TAGAP: variants seen among roughly 807,000 people sequenced by gnomAD.
TAGAP encodes T cell activation RhoGTPase activating protein, also known as T-cell activation Rho GTPase-activating protein.
Under a neutral mutation model 36.0 loss-of-function variants are expected in TAGAP, and 16 were observed. The observed-to-expected ratio is 0.44, with a 90% CI of 0.30 to 0.68. The LOEUF (loss-of-function observed/expected upper bound fraction) is 0.68. TAGAP is among the 30% of genes least tolerant of loss of function. The pLI, the probability that TAGAP is intolerant of heterozygous loss-of-function variation, is 0.09. For synonymous variants in TAGAP, 372 were observed against 377.4 expected, an observed-to-expected ratio of 0.99 and a Z score of 0.17; for missense variants, 794 against 921.5, an observed-to-expected ratio of 0.86 and a Z score of 1.79.
chr6:159,040,585 A>G (rs926000734), intron 7 of TAGAP, 138 bp downstream of exon 7: 1 of 641,082 alleles, frequency 1.6e-6, no homozygotes, highest in Non-Finnish European at 2.7e-6. Flanking sequence ...CTGGGAGTGG[A>G]CGAGCAATTC....
chr6:159,042,168 C>A lies in TAGAP; in HGVS notation c.225G>T (p.Gly75=). The A allele has an allele frequency of 6.2e-7, 1 of 1,614,162 alleles. No homozygotes were observed. The highest frequency in any genetic ancestry group is 8.5e-7 in the Non-Finnish European group (1 of 1,180,032). The change falls in exon 5 of 10, where the codon GGG becomes GGT. Residue 75 remains glycine, a synonymous_variant. Coordinates refer to ENST00000367066, the MANE Select transcript of TAGAP (RefSeq NM_054114.5). Reference sequence around the variant, plus strand: ...ATGCTTTCAAGTCTGTCTCCAAAGCCCCAGAAAAATCTGATGCAGGGGAGA... The same window carrying A: ...ATGCTTTCAAGTCTGTCTCCAAAGCACCAGAAAAATCTGATGCAGGGGAGA... The part of the protein sequence containing the change: ...RRLSPASDFS[G]ALETDLKASL...
At position 159,042,190 on chromosome 6, in the gene TAGAP, G is replaced by A; in HGVS notation, c.203C>T (p.Ser68Phe). The A allele has an allele frequency of 6.2e-7, 1 of 1,614,166 alleles. No homozygotes were observed. Among genetic ancestry groups the A allele is most frequent in the Non-Finnish European group, 8.5e-7 (1 of 1,180,032 alleles). Reference sequence around the variant, plus strand: ...AGCCCCAGAAAAATCTGATGCAGGGGAGAGCCTTCTCATGAGAAAGGGCCA... The same window carrying A: ...AGCCCCAGAAAAATCTGATGCAGGGAAGAGCCTTCTCATGAGAAAGGGCCA... ...LSWPFLMRRL[S>F]PASDFSGALE... The change falls in exon 5 of 10, where the codon TCC (serine) becomes TTC (phenylalanine). Residue 68 changes from serine to phenylalanine, a missense_variant. Coordinates refer to ENST00000367066, the MANE Select transcript of TAGAP (RefSeq NM_054114.5).
intron 1 of TAGAP, 97 bp from the exon 2 acceptor site, chr6:159,044,301 T>C: frequency 1.5e-6 from 1 of 671,538 alleles, no homozygotes; most frequent in Non-Finnish European, 2.3e-6. Flanking sequence ...AACTATTTAT[T>C]TATTTTTCTC....
At position 159,037,190 on chromosome 6, in the gene TAGAP, AT is replaced by A; in HGVS notation, c.899-67del. ...TATTTATTTATTTATTTTTATTTGT[AT>A]TTTTTATTTTCATTTTTTGAGATGG... On this transcript the variant is annotated intron_variant, in intron 9 of 9. Coordinates refer to ENST00000367066, the MANE Select transcript of TAGAP (RefSeq NM_054114.5). The surrounding 1 kb of genome is among the most constrained non-coding windows in gnomAD (Gnocchi z 5.1). 1 of 1,331,106 alleles carries A rather than the reference AT, an allele frequency of 7.5e-7. No homozygotes were observed. The highest frequency in any genetic ancestry group is 9.8e-7 in the Non-Finnish European group (1 of 1,019,350). The allele number at this position is 1,331,106 out of a possible 1,614,324, so 82.5% of individuals were successfully genotyped here.
intron 7 of TAGAP, among the ~76,000 whole-genome samples, chr6:159,039,879 T>C (rs938507144): frequency 6.6e-6 from 1 of 152,222 alleles, no homozygotes; most frequent in Non-Finnish European, 1.5e-5. Context: ...TCTTAAAGTC[T>C]CACTTTTTCA....
At position 159,036,093 on chromosome 6, in the gene TAGAP, C is replaced by T; in HGVS notation, c.1930G>A (p.Glu644Lys). ...LPPLPPAHHV[E>K]DSRHRGSKEP... ...TTGCTGCCCCTGTGTCTTGAGTCCT[C>T]TACGTGGTGAGCAGGTGGAAGAGGG... Residue 644 changes from glutamate (E) to lysine (K), a missense_variant, in exon 10 of 10, where the codon GAG (glutamate) becomes AAG (lysine). Glu to Lys is a moderately conservative substitution (Grantham distance 56). Transcript: ENST00000367066. This position sits in a 1 kb window ranked among gnomAD's most constrained non-coding sequence, Gnocchi z 4.9. 1 of 1,613,838 alleles carries T rather than the reference C, an allele frequency of 6.2e-7. No individual in the cohort carries two copies. The highest frequency in any genetic ancestry group is 8.5e-7 in the Non-Finnish European group (1 of 1,179,816).
Position 159,038,142 on chromosome 6 carries a change from A to ATTC in TAGAP, c.869_870insGAA (p.Asp290delinsGluAsn). The ATTC allele has an allele frequency of 6.2e-7, 1 of 1,613,178 alleles. No individual in the cohort carries two copies. Among genetic ancestry groups the ATTC allele is most frequent in the Middle Eastern group, 1.7e-4 (1 of 6,060 alleles). On this transcript the variant is annotated protein_altering_variant, in exon 9 of 10. Coordinates refer to ENST00000367066, the MANE Select transcript of TAGAP (RefSeq NM_054114.5). ...AACTGTCAGTGTGCTCCAGGGAGTC[A>ATTC]TCAGAAGTGATACTGGAATGCACTG...
rs533213677 is a variant in TAGAP, at chr6:159,039,288, C to T, written c.609G>A (p.Arg203=). ...ALKQVADKLP[R]PNLLLLKHLV... Reference sequence around the variant, plus strand: ...AGTGCTTGAGTAGCAGGAGGTTGGGCCGGGGGAGCTTATCTGCAACCCTGG... The same window carrying T: ...AGTGCTTGAGTAGCAGGAGGTTGGGTCGGGGGAGCTTATCTGCAACCCTGG... Residue 203 remains arginine (R), a synonymous_variant, in exon 8 of 10, where the codon CGG becomes CGA. Coordinates refer to ENST00000367066, the MANE Select transcript of TAGAP (RefSeq NM_054114.5). 17 of 1,613,060 alleles carry T rather than the reference C, an allele frequency of 1.1e-5. No homozygotes were observed. In the African/African-American group the frequency reaches 2.0e-4, roughly 19 times the overall value.
Position 159,038,215 on chromosome 6 carries a change from A to G in TAGAP, c.797T>C (p.Val266Ala). 6.3e-7 allele frequency: 1 copy of G among 1,591,584 alleles called. No individual in the cohort carries two copies. The highest frequency in any genetic ancestry group is 2.3e-5 in the East Asian group (1 of 44,374). Reference sequence around the variant, plus strand: ...AAAGCAGTTATCAATGAGGAATTCCACCAGTGTCTTCACCTGTGAGGAAAA... The same window carrying G: ...AAAGCAGTTATCAATGAGGAATTCCGCCAGTGTCTTCACCTGTGAGGAAAA... ...KDLNNKVKTLVEFLIDNCFEI... is the reference protein window; with the variant it reads ...KDLNNKVKTLAEFLIDNCFEI... Residue 266 changes from valine (V) to alanine (A), a missense_variant, in exon 9 of 10, where the codon GTG becomes GCG. Val to Ala is a moderately conservative substitution (Grantham distance 64). Transcript: ENST00000367066.
At chr6:159,043,864 G>T in intron 3 of TAGAP, 114 bp downstream of exon 3, 1 of 1,041,568 alleles carries the variant, frequency 9.6e-7, no homozygotes, top group Non-Finnish European at 1.4e-6. Context: ...CTACATGTGT[G>T]ATGTTAGTTT....
At chr6:159,038,049 C>T (rs1443731253) in intron 9 of TAGAP, 65 bp downstream of exon 9, 14 of 1,059,304 alleles carry the variant, frequency 1.3e-5, no homozygotes, top group South Asian at 1.3e-5. Context: ...AGATGCTTTA[C>T]ATGACTGGCA....
intron 4 of TAGAP, chr6:159,042,892 G>T (rs1779807358): frequency 6.6e-6 from 1 of 152,496 alleles, no homozygotes; most frequent in Non-Finnish European, 1.5e-5. Context: ...CTGGCAACTG[G>T]GAATTATCAG....
At chr6:159,039,491 AACC>A (rs1163658945) in intron 7 of TAGAP, among the ~76,000 whole-genome samples, 182 bp from the exon 8 acceptor site, 1 of 152,244 alleles carries the variant, frequency 6.6e-6, no homozygotes, top group East Asian at 1.9e-4. Flanking sequence ...GAGACTGGTT[AACC>A]ACAAGGTCTT....
At position 159,036,403 on chromosome 6, in the gene TAGAP, C is replaced by T. The variant is rs200549687; in HGVS notation, c.1620G>A (p.Pro540=). Residue 540 remains proline (P), a synonymous_variant, in exon 10 of 10, where the codon CCG becomes CCA. Transcript: ENST00000367066. This position sits in a 1 kb window ranked among gnomAD's most constrained non-coding sequence, Gnocchi z 4.9. ...KSQDFTRDHV[P]RGVRKESQLA... Reference sequence around the variant, plus strand: ...GCTGGCTTTCCTTTCTGACACCCCTCGGGACGTGGTCCCTGGTAAAGTCTT... The same window carrying T: ...GCTGGCTTTCCTTTCTGACACCCCTTGGGACGTGGTCCCTGGTAAAGTCTT... The T allele has an allele frequency of 9.3e-6, 15 of 1,614,148 alleles. No homozygotes were observed. Among genetic ancestry groups the T allele is most frequent in the Middle Eastern group, 1.7e-4 (1 of 6,060 alleles).
intron 8 of TAGAP, 145 bp downstream of exon 8, chr6:159,038,969 A>T: frequency 6.7e-7 from 1 of 1,500,192 alleles, no homozygotes; most frequent in South Asian, 1.3e-5. Context: ...AGAGAGTGGA[A>T]CTATGACAAA....
chr6:159,039,384 C>T (rs764293341), intron 7 of TAGAP, 75 bp from the exon 8 acceptor site: 13 of 1,463,850 alleles, frequency 8.9e-6, no homozygotes, highest in South Asian at 6.0e-5. Flanking sequence ...GAGTTTCTGC[C>T]GAAACCAGAC....
In TAGAP at chr6:159,038,331, T is replaced by C. The variant is rs1395431658; in HGVS notation, c.784-103A>G. On this transcript the variant is annotated intron_variant, in intron 8 of 9. Coordinates refer to ENST00000367066, the MANE Select transcript of TAGAP (RefSeq NM_054114.5). Reference sequence around the variant, plus strand: ...GGGACACTGGAGTCAGGTGCCAAAATGAGAATCTGAGATCTTTATGTGTCT... The same window carrying C: ...GGGACACTGGAGTCAGGTGCCAAAACGAGAATCTGAGATCTTTATGTGTCT... 6.5e-6 allele frequency: 4 copies of C among 614,130 alleles called. No homozygotes were observed. The Admixed American group carries it at 1.2e-4, about 18-fold the overall frequency. 38.0% of individuals were successfully genotyped at this position (614,130 alleles called of 1,614,324 possible).
Position 159,035,396 on chromosome 6 carries a change from C to A in TAGAP, c.*431G>T. 6.3e-6 allele frequency: 1 copy of A among 159,376 alleles called. No individual in the cohort carries two copies. Among genetic ancestry groups the A allele is most frequent in the Non-Finnish European group, 1.4e-5 (1 of 71,754 alleles). The allele number at this position is 159,376 out of a possible 1,614,324, so 9.9% of individuals were successfully genotyped here. On this transcript the variant is annotated 3_prime_UTR_variant, in exon 10 of 10. Transcript: ENST00000367066. ...ACTCTGGTATGGAGTAAACTTATAC[C>A]AGAGATTTAAACATTTCTCCCTAAA...
intron 7 of TAGAP, among the ~76,000 whole-genome samples, chr6:159,039,642 A>C (rs1039218994): frequency 6.6e-6 from 1 of 152,242 alleles, no homozygotes; most frequent in African/African-American, 2.4e-5. Flanking sequence ...AGTTTTGTTG[A>C]GTAATCATTT....
Sources: gnomAD v4.1 joint callset for allele counts (sites outside exome capture counted in the v4.1 genomes callset) on GRCh38, gnomAD v4.1.1 for gene constraint, Gnocchi (gnomAD v3.1) non-coding constraint, MANE v1.5 for transcripts, NCBI Gene and HGNC (gene_info 2026-07-23, HGNC 2026-07-21) for gene names.